The following SOX6 variants were observed in gnomAD, a reference collection of about 807,000 sequenced individuals.
SOX6 encodes transcription factor SOX-6.
Under a neutral mutation model 97.8 loss-of-function variants are expected in SOX6, and 11 were observed. That is an observed-to-expected ratio of 0.11 (90% confidence interval 0.07 to 0.19). The LOEUF is 0.19. Ranked by LOEUF, SOX6 falls within the 10% of genes least tolerant of loss-of-function variation. SOX6 has a pLI of 1.00. For synonymous variants in SOX6, 360 were observed against 371.4 expected, an observed-to-expected ratio of 0.97 and a Z score of 0.35; for missense variants, 810 against 1,039.5, an observed-to-expected ratio of 0.78 and a Z score of 3.04.
intron 4 of SOX6, among the ~76,000 whole-genome samples, chr11:16,492,974 G>A (rs141747827): frequency 4.4e-4 from 67 of 152,244 alleles, no homozygotes; most frequent in African/African-American, 1.6e-3. Flanking sequence ...TAAATAATGG[G>A]AGAAAGTATA....
At chr11:16,524,384 A>T (rs1021531616) in intron 4 of SOX6, among the ~76,000 whole-genome samples, 3 of 152,040 alleles carry the variant, frequency 2.0e-5, no homozygotes, top group African/African-American at 7.2e-5. Flanking sequence ...AAACTACATG[A>T]TTATCTCAAT....
At chr11:16,480,196 C>A (rs982336263), upstream of SOX6, among the ~76,000 whole-genome samples, 14 of 152,122 alleles carry the variant, frequency 9.2e-5, no homozygotes, top group African/African-American at 3.4e-4. Flanking sequence ...TAACATTGGG[C>A]AGGGTGCCAT....
chr11:16,148,019 C>T (rs948306814), intron 6 of SOX6, among the ~76,000 whole-genome samples: 24 of 152,134 alleles, frequency 1.6e-4, no homozygotes, highest in African/African-American at 5.1e-4. Context: ...ACACCAAATG[C>T]TAGTTAACAA....
intron 4 of SOX6, among the ~76,000 whole-genome samples, chr11:16,569,928 G>A (rs1451505504): frequency 1.3e-5 from 2 of 150,132 alleles, no homozygotes; most frequent in Non-Finnish European, 3.0e-5. Context: ...TTTTAGTGGG[G>A]AAAAATTCTA....
At chr11:16,105,385 G>A (rs554736645) in intron 7 of SOX6, among the ~76,000 whole-genome samples, 31 of 152,016 alleles carry the variant, frequency 2.0e-4, no homozygotes, top group South Asian at 1.9e-3. Flanking sequence ...AAAAGACCTC[G>A]GCATGATGAA....
At chr11:16,590,680 G>A (rs1050660907) in intron 4 of SOX6, among the ~76,000 whole-genome samples, 3 of 152,064 alleles carry the variant, frequency 2.0e-5, no homozygotes, top group African/African-American at 7.2e-5. Flanking sequence ...AATGTTCAGT[G>A]AAATAAGCCA....
At chr11:16,545,594 TG>T (rs1227262075) in intron 4 of SOX6, among the ~76,000 whole-genome samples, 2 of 152,110 alleles carry the variant, frequency 1.3e-5, no homozygotes, top group African/African-American at 4.8e-5. Flanking sequence ...ACTATAATAC[TG>T]GGAGTCCTAG....
At chr11:16,151,933 A>T (rs1407956831) in intron 6 of SOX6, among the ~76,000 whole-genome samples, 1 of 152,200 alleles carries the variant, frequency 6.6e-6, no homozygotes, top group Non-Finnish European at 1.5e-5. Context: ...TATTTTGTAT[A>T]TCTGGCAATT....
chr11:16,056,881 A>G (rs1847828527), intron 9 of SOX6, among the ~76,000 whole-genome samples: 5 of 152,174 alleles, frequency 3.3e-5, no homozygotes, highest in Admixed American at 3.3e-4. Flanking sequence ...ACCTCTTTTC[A>G]TATAATTTTC....
intron 4 of SOX6, among the ~76,000 whole-genome samples, chr11:16,196,892 G>C (rs1008821881): frequency 1.0e-4 from 15 of 145,552 alleles, no homozygotes; most frequent in Non-Finnish European, 1.8e-4. Context: ...GGAGTGCAGT[G>C]GTGTGATCTC....
intron 6 of SOX6, among the ~76,000 whole-genome samples, chr11:16,142,514 C>T (rs1018607192): frequency 2.0e-5 from 3 of 152,052 alleles, no homozygotes; most frequent in African/African-American, 7.2e-5. Context: ...ATGACTTTGA[C>T]GAGTTCAGAG....
chr11:16,057,263 A>G (rs1165148789), intron 9 of SOX6, among the ~76,000 whole-genome samples: 1 of 152,156 alleles, frequency 6.6e-6, no homozygotes, highest in Non-Finnish European at 1.5e-5. Flanking sequence ...TTAATGTCAC[A>G]AATTTTAAAA....
At chr11:16,495,747 C>T (rs1860584650) in intron 4 of SOX6, among the ~76,000 whole-genome samples, 1 of 152,198 alleles carries the variant, frequency 6.6e-6, no homozygotes, top group African/African-American at 2.4e-5. Context: ...ACTCCTGACA[C>T]CCAAGAAGCT....
At chr11:16,024,103 G>T (rs1407820046) in intron 12 of SOX6, among the ~76,000 whole-genome samples, 1 of 151,986 alleles carries the variant, frequency 6.6e-6, no homozygotes, top group African/African-American at 2.4e-5. Flanking sequence ...TTATACGAAG[G>T]GTACATCTGG....
chr11:16,234,523 G>T (rs1852957295), intron 4 of SOX6, 59 bp downstream of exon 4: 7 of 1,002,072 alleles, frequency 7.0e-6, no homozygotes, highest in African/African-American at 4.8e-5. Context: ...CAAATACATT[G>T]TTATACAAAA....
intron 1 of SOX6, among the ~76,000 whole-genome samples, chr11:16,425,111 G>A (rs1251364702): frequency 1.6e-4 from 24 of 152,144 alleles, no homozygotes; most frequent in Admixed American, 1.6e-3. Context: ...TTTATATTGA[G>A]CCACTTATTC....
intron 3 of SOX6, among the ~76,000 whole-genome samples, chr11:16,294,858 T>G (rs938164874): frequency 6.6e-6 from 1 of 152,216 alleles, no homozygotes; most frequent in Non-Finnish European, 1.5e-5. Context: ...CAATTTCTCC[T>G]TTTCATTTAA....
chr11:16,584,626 C>G (rs551430564), intron 4 of SOX6, among the ~76,000 whole-genome samples: 144 of 152,270 alleles, frequency 9.5e-4, no homozygotes, highest in African/African-American at 3.2e-3. Context: ...GGGTTCAACT[C>G]CTACAGTCTA....
rs928976281 is a variant in SOX6, at chr11:15,970,618, T to C, written c.*2191A>G. 6.6e-6 allele frequency: 1 copy of C among 152,640 alleles called. No homozygotes were observed. Among genetic ancestry groups the C allele is most frequent in the Middle Eastern group, 3.2e-3 (1 of 316 alleles). 9.5% of individuals were successfully genotyped at this position (152,640 alleles called of 1,614,324 possible). On this transcript the variant is annotated 3_prime_UTR_variant, in exon 16 of 16. Transcript: ENST00000683767. Reference sequence around the variant, plus strand: ...AAATAAATGTACAAAAACAAATTTCTAATCCCCAACCAACATGAATAACAA... The same window carrying C: ...AAATAAATGTACAAAAACAAATTTCCAATCCCCAACCAACATGAATAACAA...
Sources: allele counts gnomAD v4.1 joint callset (sites outside exome capture counted in the v4.1 genomes callset), GRCh38; gene constraint gnomAD v4.1.1; transcripts MANE v1.5; gene names NCBI Gene and HGNC (gene_info 2026-07-23, HGNC 2026-07-21).